EVC: variants seen among roughly 807,000 people sequenced by gnomAD.
EVC encodes EvC ciliary complex subunit 1.
In EVC, 116 loss-of-function variants were observed where a neutral mutation model predicts 118.9. The ratio of observed to expected loss-of-function variants is 0.98; its 90% CI spans 0.84 to 1.14. The LOEUF is 1.14. Ranked by LOEUF, EVC falls within the 50% of genes most tolerant of loss-of-function variation. The probability of loss-of-function intolerance (pLI) is 0.00; values close to 1 mark genes in which losing one functional copy is unlikely to be tolerated. For synonymous variants in EVC, 619 were observed against 534.7 expected, an observed-to-expected ratio of 1.16 and a Z score of -2.18; for missense variants, 1,401 against 1,246.4, an observed-to-expected ratio of 1.12 and a Z score of -1.87.
chr4:5,782,455 G>A (rs567513991), intron 11 of EVC, among the ~76,000 whole-genome samples: 3 of 119,022 alleles, frequency 2.5e-5, no homozygotes, highest in South Asian at 3.1e-4. Flanking sequence ...GTGCAGTGGC[G>A]CAATCTCGGC....
At chr4:5,820,871 G>A in the EVC span, 3 of 152,184 alleles carry the variant, frequency 2.0e-5, no homozygotes, top group Non-Finnish European at 4.4e-5. Context: ...GTAAAAATGG[G>A]AGTGATTACA....
At chr4:5,748,762 A>G (rs952448439) in intron 8 of EVC, among the ~76,000 whole-genome samples, 1 of 37,060 alleles carries the variant, frequency 2.7e-5, no homozygotes. Context: ...CCATTTACTC[A>G]TCCATCCATC....
intron 14 of EVC, 182 bp downstream of exon 14, chr4:5,797,414 T>A (rs929645593): frequency 4.7e-6 from 3 of 634,254 alleles, no homozygotes; most frequent in Non-Finnish European, 8.6e-6. Context: ...ACTGCACACA[T>A]TTCCCTGCTC....
intron 1 of EVC, among the ~76,000 whole-genome samples, chr4:5,718,732 T>C (rs1414494661): frequency 3.9e-5 from 6 of 152,208 alleles, no homozygotes; most frequent in Non-Finnish European, 8.8e-5. Flanking sequence ...GTACAGGAAT[T>C]GGCAAATACA....
intron 17 of EVC, among the ~76,000 whole-genome samples, chr4:5,806,603 C>T (rs1379327918): frequency 6.6e-6 from 1 of 152,132 alleles, no homozygotes; most frequent in Non-Finnish European, 1.5e-5. Context: ...TTGATGGACA[C>T]TTAGGTTGAT....
Position 5,802,233 on chromosome 4 carries a change from G to A in EVC, c.2449+139G>A, listed in dbSNP as rs781651532. The A allele has an allele frequency of 7.8e-5, 99 of 1,269,196 alleles. 1 individual carries two copies. In the African/African-American group the frequency reaches 9.5e-4, roughly 12 times the overall value. The allele number at this position is 1,269,196 out of a possible 1,614,324, so 78.6% of individuals were successfully genotyped here. On this transcript the variant is annotated intron_variant, in intron 16 of 20. Coordinates refer to ENST00000264956, the MANE Select transcript of EVC (RefSeq NM_153717.3). The stretch of plus-strand genomic sequence containing the variant: ...TTCAGTGTTTTAATGTATTTATCCC[G>A]TGCTTTGTCTCAAAAAGCCTTTTTC...
chr4:5,798,280 G>A lies in EVC; in HGVS notation c.2098-306G>A, dbSNP rs1021105330. ...AGCCTTCGTGTCCTCCTCAGTGCTA[G>A]TGTTCAGGTCTCATGATGTTCTAGA... On this transcript the variant is annotated intron_variant, in intron 14 of 20. Coordinates refer to ENST00000264956, the MANE Select transcript of EVC (RefSeq NM_153717.3). The surrounding 1 kb of genome is among the most constrained non-coding windows in gnomAD (Gnocchi z 4.1). 6.6e-6 allele frequency among the ~76,000 whole-genome samples: 1 copy of A among 152,188 alleles called. No individual in the cohort carries two copies. The highest frequency in any genetic ancestry group is 1.5e-5 in the Non-Finnish European group (1 of 68,022).
chr4:5,793,873 A>G (rs942685171), intron 13 of EVC, among the ~76,000 whole-genome samples, 156 bp downstream of exon 13: 2 of 152,202 alleles, frequency 1.3e-5, no homozygotes, highest in African/African-American at 4.8e-5. Context: ...TTCCTCATCT[A>G]TAAAATGGGA....
At chr4:5,818,223 C>G (rs893404764), downstream of EVC, among the ~76,000 whole-genome samples, 2 of 152,162 alleles carry the variant, frequency 1.3e-5, no homozygotes, top group African/African-American at 4.8e-5. Flanking sequence ...GTGCCTTCTG[C>G]CATGATTGTG....
intron 17 of EVC, 122 bp from the exon 18 acceptor site, chr4:5,808,079 G>A (rs568168454): frequency 3.5e-5 from 28 of 800,924 alleles, no homozygotes; most frequent in Non-Finnish European, 5.3e-5. Flanking sequence ...TGCCCCCGAT[G>A]GCCAGGCCCC....
downstream of EVC, among the ~76,000 whole-genome samples, chr4:5,814,767 C>T (rs529300077): frequency 2.6e-5 from 4 of 151,970 alleles, no homozygotes; most frequent in Admixed American, 6.6e-5. Flanking sequence ...CCCCTGCCCC[C>T]CTCCCCAGCC....
At chr4:5,747,650 G>C (rs1157164469) in intron 7 of EVC, among the ~76,000 whole-genome samples, 1 of 152,160 alleles carries the variant, frequency 6.6e-6, no homozygotes, top group Non-Finnish European at 1.5e-5. Context: ...TAAAATGAGG[G>C]GGAGGGAAGA....
chr4:5,767,548 C>T (rs536153930), intron 11 of EVC, among the ~76,000 whole-genome samples: 6 of 151,258 alleles, frequency 4.0e-5, no homozygotes, highest in African/African-American at 4.8e-5. Context: ...TAGCAATCAG[C>T]GAGACTCCTT....
chr4:5,817,861 A>G (rs1366221457), downstream of EVC, among the ~76,000 whole-genome samples: 2 of 152,182 alleles, frequency 1.3e-5, no homozygotes, highest in Admixed American at 1.3e-4. Flanking sequence ...GGTAGACCCT[A>G]CTGGTGACAT....
rs1329006994 is a variant in EVC at position 5,793,695 on chromosome 4, C to T, written c.1864C>T (p.Arg622Ter). 4.5e-6 allele frequency: 7 copies of T among 1,550,682 alleles called. No individual in the cohort carries two copies. The highest frequency in any genetic ancestry group is 2.4e-5 in the East Asian group (1 of 41,022). Reference protein sequence around the residue: ...HEGTIRGVLGRLGGLTEESTR... With the variant: ...HEGTIRGVLG Reference sequence around the variant, plus strand: ...GGGCACCATCCGCGGCGTCTTGGGCCGACTGGGCGGCCTCACTGAAGAGTG... The same window carrying T: ...GGGCACCATCCGCGGCGTCTTGGGCTGACTGGGCGGCCTCACTGAAGAGTG... Residue 622 changes from arginine to a stop codon, truncating the protein, a stop_gained, in exon 13 of 21, where the codon CGA becomes TGA. Coordinates refer to ENST00000264956, the MANE Select transcript of EVC (RefSeq NM_153717.3). LOFTEE classifies it high-confidence loss of function.
rs1034459378 is a variant in EVC at position 5,729,325 on chromosome 4, A to C, written c.319A>C (p.Asn107His). 4.3e-6 allele frequency: 7 copies of C among 1,614,172 alleles called. 1 individual carries two copies. The highest frequency in any genetic ancestry group is 5.9e-6 in the Non-Finnish European group (7 of 1,180,028). ...CTCCCAGGAATGTGAGCCGCCTTCC[A>C]ACAGCAATATCACAGCATTCGCCCT... ...EAVDECEPPS[N>H]SNITAFALKA... The change falls in exon 3 of 21, where the codon AAC becomes CAC. Residue 107 changes from asparagine to histidine, a missense_variant. Coordinates refer to ENST00000264956, the MANE Select transcript of EVC (RefSeq NM_153717.3).
chr4:5,777,836 T>TTTGTTG (rs5855887), intron 11 of EVC, among the ~76,000 whole-genome samples: 3 of 151,482 alleles, frequency 2.0e-5, no homozygotes, highest in Admixed American at 6.6e-5. Flanking sequence ...AATGAAATTT[T>TTTGTTG]TTGTTGTTGT....
At chr4:5,819,852 A>C in the EVC span, among the ~76,000 whole-genome samples, 2 of 152,182 alleles carry the variant, frequency 1.3e-5, no homozygotes, top group African/African-American at 4.8e-5. Context: ...GTTTCAAGGA[A>C]GTCTATAACT....
In EVC at chr4:5,752,976, G is replaced by A; in HGVS notation, c.1239G>A (p.Leu413=). The change falls in exon 9 of 21, where the codon CTG becomes CTA. Residue 413 remains leucine, a synonymous_variant. Coordinates refer to ENST00000264956, the MANE Select transcript of EVC (RefSeq NM_153717.3). ...AGCTGCTGGCTGGTGAGGGGAAGCT[G>A]TCCGGGCGGCAGAAGGAGGAGCTGC... The part of the protein sequence containing the change: ...GLELLAGEGK[L]SGRQKEELLT... 2 of 1,613,804 alleles carry A rather than the reference G, an allele frequency of 1.2e-6. No homozygotes were observed. The highest frequency in any genetic ancestry group is 1.7e-6 in the Non-Finnish European group (2 of 1,179,908).
Sources: allele counts gnomAD v4.1 joint callset (sites outside exome capture counted in the v4.1 genomes callset), GRCh38; gene constraint gnomAD v4.1.1; non-coding constraint Gnocchi (gnomAD v3.1); transcripts MANE v1.5; gene names NCBI Gene and HGNC (gene_info 2026-07-23, HGNC 2026-07-21).